PHACTR2: variants seen among roughly 807,000 people sequenced by gnomAD.
The protein encoded by PHACTR2 is phosphatase and actin regulator 2.
PHACTR2 carries 30 observed loss-of-function variants against 76.0 expected under a neutral mutation model. That is an observed-to-expected ratio of 0.39 (90% CI 0.30 to 0.54). PHACTR2 has a LOEUF of 0.54. Among genes scored for constraint, PHACTR2 ranks in the 20% least tolerant of loss-of-function variants. The pLI, the probability that PHACTR2 is intolerant of heterozygous loss-of-function variation, is 0.61. For missense variants in PHACTR2, 696 were observed against 781.1 expected, an observed-to-expected ratio of 0.89 and a Z score of 1.30; for synonymous variants, 292 against 292.5, an observed-to-expected ratio of 1.00 and a Z score of 0.02.
chr6:143,775,195 G>A lies in PHACTR2; in HGVS notation c.1589+980G>A, dbSNP rs1253706228. On this transcript the variant is annotated intron_variant, in intron 8 of 12. Coordinates refer to ENST00000440869, the MANE Select transcript of PHACTR2 (RefSeq NM_001100164.2). The surrounding 1 kb of genome is among the most constrained non-coding windows in gnomAD (Gnocchi z 4.4). ...TTACAGCTGAGTTGTGCAGAAAGGT[G>A]TCAGAGACAGCAGCTGTGGCATCTA... is the stretch of plus-strand genomic sequence containing the variant. 6.6e-6 allele frequency among the ~76,000 whole-genome samples: 1 copy of A among 152,144 alleles called. No individual in the cohort carries two copies. The highest frequency in any genetic ancestry group is 2.4e-5 in the African/African-American group (1 of 41,426).
In PHACTR2 at chr6:143,620,798, C is replaced by T. The variant is rs138215294; in HGVS notation, c.13+12476C>T. On this transcript the variant is annotated intron_variant, in intron 1 of 11. Coordinates refer to the PHACTR2 transcript ENST00000305766. ...GCCAGGCACAGTTTACCCTTTGGGA[C>T]GCATGCAATATTGTTTTTAGGGAAA... Among the ~76,000 whole-genome samples, 357 of 152,250 alleles carry T rather than the reference C, an allele frequency of 2.3e-3. 1 individual carries two copies. Among genetic ancestry groups the T allele is most frequent in the African/African-American group, 6.6e-3 (274 of 41,534 alleles).
At chr6:143,677,959 A>G, upstream of PHACTR2, 5 of 1,285,136 alleles carry the variant, frequency 3.9e-6, no homozygotes, top group South Asian at 3.1e-5. Context: ...TAGAGGAATG[A>G]CAGGCATCCG....
At chr6:143,810,261 C>G (rs1399896532) in intron 12 of PHACTR2, among the ~76,000 whole-genome samples, 5 of 152,050 alleles carry the variant, frequency 3.3e-5, no homozygotes, top group African/African-American at 4.8e-5. Context: ...AACAATGTTG[C>G]CTTGACTTTC....
chr6:143,707,967 T>G (rs1778091147), intron 1 of PHACTR2, among the ~76,000 whole-genome samples: 1 of 152,126 alleles, frequency 6.6e-6, no homozygotes, highest in South Asian at 2.1e-4. Flanking sequence ...TCATATGATT[T>G]CACTCACTAT....
rs1367500761 is a variant in PHACTR2, at chr6:143,689,692, A to T, written c.46+11483A>T. On this transcript the variant is annotated intron_variant, in intron 1 of 12. Transcript: ENST00000440869. This position sits in a 1 kb window ranked among gnomAD's most constrained non-coding sequence, Gnocchi z 4.4. ...CATTTTCCCATTTTCTCATCTTCTC[A>T]AGTCTTTTTTTTTTTTTTGAGATGG... Among the ~76,000 whole-genome samples the T allele has an allele frequency of 1.4e-5, 2 of 144,086 alleles. No individual in the cohort carries two copies. The highest frequency in any genetic ancestry group is 3.0e-5 in the Non-Finnish European group (2 of 66,474). 94.5% of individuals were successfully genotyped at this position (144,086 alleles called of 152,430 possible).
chr6:143,562,301 G>A lies in PHACTR2; in HGVS notation c.217+25094G>A, dbSNP rs547707943. Among the ~76,000 whole-genome samples, 63 of 152,256 alleles carry A rather than the reference G, an allele frequency of 4.1e-4. No homozygotes were observed. Among genetic ancestry groups the A allele is most frequent in the African/African-American group, 1.5e-3 (61 of 41,554 alleles). ...GGAAGCACGGTGCTGGCATCTGCTT[G>A]GCCTCCCCAGGCCTCAGGAAGTTTA... is the stretch of plus-strand genomic sequence containing the variant. On this transcript the variant is annotated intron_variant, in intron 1 of 11. Transcript: ENST00000367584. This position sits in a 1 kb window ranked among gnomAD's most constrained non-coding sequence, Gnocchi z 5.1.
chr6:143,576,510 CATTT>C (rs1241961309), intron 1 of PHACTR2, among the ~76,000 whole-genome samples: 1 of 152,198 alleles, frequency 6.6e-6, no homozygotes, highest in Non-Finnish European at 1.5e-5. Flanking sequence ...TTATTTCTAA[CATTT>C]AGCTTTTCAG....
rs1488608542 is a variant in PHACTR2 at position 143,537,086 on chromosome 6, G to A, written c.96G>A (p.Pro32=). Reference sequence around the variant, plus strand: ...TCCCCGAGCCCGAGGCGCCCGCCCCGCCGGCGGCGCCTGCCCTGCGCTGGC... The same window carrying A: ...TCCCCGAGCCCGAGGCGCCCGCCCCACCGGCGGCGCCTGCCCTGCGCTGGC... Residue 32 remains proline (P), a synonymous_variant, in exon 1 of 12, where the codon CCG becomes CCA. Transcript: ENST00000367584. The surrounding 1 kb of genome is among the most constrained non-coding windows in gnomAD (Gnocchi z 4.4). The A allele has an allele frequency of 2.9e-5, 6 of 209,362 alleles. No homozygotes were observed. The highest frequency in any genetic ancestry group is 1.7e-3 in the Middle Eastern group (1 of 600). 13.0% of individuals were successfully genotyped at this position (209,362 alleles called of 1,614,324 possible). A position where few individuals can be genotyped will look rare whatever the true frequency, so the allele number is the denominator to read the frequency against.
rs1489880420 is a variant in PHACTR2 at position 143,633,797 on chromosome 6, T to C, written c.13+25475T>C. ...TTGTACTTTATATTTAGATCCATAA[T>C]CGATTTTGATATTTTATAAAGGTCT... On this transcript the variant is annotated intron_variant, in intron 1 of 11. Transcript: ENST00000305766. This position sits in a 1 kb window ranked among gnomAD's most constrained non-coding sequence, Gnocchi z 4.1. 1.3e-5 allele frequency among the ~76,000 whole-genome samples: 2 copies of C among 152,214 alleles called. No individual in the cohort carries two copies. The highest frequency in any genetic ancestry group is 2.9e-5 in the Non-Finnish European group (2 of 68,042).
In PHACTR2 at chr6:143,549,258, A is replaced by C. The variant is rs188352248; in HGVS notation, c.217+12051A>C. Among the ~76,000 whole-genome samples, 39 of 152,066 alleles carry C rather than the reference A, an allele frequency of 2.6e-4. No homozygotes were observed. The East Asian group carries it at 5.4e-3, about 21-fold the overall frequency. On this transcript the variant is annotated intron_variant, in intron 1 of 11. Transcript: ENST00000367584. This position sits in a 1 kb window ranked among gnomAD's most constrained non-coding sequence, Gnocchi z 4.2. ...CAGATCAGGCCTAGGTCTCTTCCCA[A>C]ATGGAACAATATGGTAGTGAGGCCA...
Position 143,556,344 on chromosome 6 carries a change from C to A in PHACTR2, c.217+19137C>A, listed in dbSNP as rs558358714. 2.5e-4 allele frequency among the ~76,000 whole-genome samples: 38 copies of A among 152,224 alleles called. No individual in the cohort carries two copies. The highest frequency in any genetic ancestry group is 6.2e-4 in the South Asian group (3 of 4,826). On this transcript the variant is annotated intron_variant, in intron 1 of 11. Transcript: ENST00000367584. This position sits in a 1 kb window ranked among gnomAD's most constrained non-coding sequence, Gnocchi z 4.3. Reference sequence around the variant, plus strand: ...CTGCGTGCCAGGCACAAGGCGTGGGCCAGGAGAGTGAATATCTGGTGGAGG... The same window carrying A: ...CTGCGTGCCAGGCACAAGGCGTGGGACAGGAGAGTGAATATCTGGTGGAGG...
In PHACTR2 at chr6:143,664,915, C is replaced by T. The variant is rs1029295809; in HGVS notation, c.14-47101C>T. On this transcript the variant is annotated intron_variant, in intron 1 of 11. Transcript: ENST00000305766. The surrounding 1 kb of genome is among the most constrained non-coding windows in gnomAD (Gnocchi z 5.1). The stretch of plus-strand genomic sequence containing the variant: ...CCTGGTTCAAGTGATTCCCCTGACT[C>T]GGCCTCCCAAGTAGCTGGCATTACA... 2.0e-5 allele frequency among the ~76,000 whole-genome samples: 3 copies of T among 152,124 alleles called. No individual in the cohort carries two copies. Among genetic ancestry groups the T allele is most frequent in the Non-Finnish European group, 2.9e-5 (2 of 68,026 alleles).
chr6:143,733,320 A>G lies in PHACTR2; in HGVS notation c.215-15665A>G, dbSNP rs1347619964. ...CACTTCCTAGTAGATTATAAATTCC[A>G]TGAGAACAGGGATTTTTGTTTTCTT... On this transcript the variant is annotated intron_variant, in intron 2 of 12. Coordinates refer to ENST00000440869, the MANE Select transcript of PHACTR2 (RefSeq NM_001100164.2). The surrounding 1 kb of genome is among the most constrained non-coding windows in gnomAD (Gnocchi z 4.0). 1.3e-5 allele frequency among the ~76,000 whole-genome samples: 2 copies of G among 152,180 alleles called. No individual in the cohort carries two copies. The highest frequency in any genetic ancestry group is 2.4e-5 in the African/African-American group (1 of 41,452).
rs1294414333 is a variant in PHACTR2, at chr6:143,821,476, T to C, written c.1923-2198T>C. On this transcript the variant is annotated intron_variant, in intron 12 of 12. Transcript: ENST00000440869. This position sits in a 1 kb window ranked among gnomAD's most constrained non-coding sequence, Gnocchi z 5.2. Reference sequence around the variant, plus strand: ...CCGGAGATTGTATTCAATGAGTATGTAAAAATGGATAAGAAAGTTTCCTTC... The same window carrying C: ...CCGGAGATTGTATTCAATGAGTATGCAAAAATGGATAAGAAAGTTTCCTTC... 6.6e-6 allele frequency among the ~76,000 whole-genome samples: 1 copy of C among 152,186 alleles called. No individual in the cohort carries two copies. Among genetic ancestry groups the C allele is most frequent in the Non-Finnish European group, 1.5e-5 (1 of 68,044 alleles).
In PHACTR2 at chr6:143,610,887, T is replaced by C. The variant is rs1775964198; in HGVS notation, c.13+2565T>C. ...ATATGTCAGGGCAATTTTAGCAATA[T>C]CTAACATTTTCTTCTTTTTTTTTCA... On this transcript the variant is annotated intron_variant, in intron 1 of 11. Coordinates refer to the PHACTR2 transcript ENST00000305766. The surrounding 1 kb of genome is among the most constrained non-coding windows in gnomAD (Gnocchi z 4.9). Among the ~76,000 whole-genome samples, 1 of 152,202 alleles carries C rather than the reference T, an allele frequency of 6.6e-6. No individual in the cohort carries two copies. Among genetic ancestry groups the C allele is most frequent in the Non-Finnish European group, 1.5e-5 (1 of 68,036 alleles).
At chr6:143,740,049 C>A (rs149278521) in intron 2 of PHACTR2, among the ~76,000 whole-genome samples, 1 of 152,302 alleles carries the variant, frequency 6.6e-6, no homozygotes, top group African/African-American at 2.4e-5. Context: ...AGAATGGTTA[C>A]TCCATAGACG....
At position 143,611,045 on chromosome 6, in the gene PHACTR2, C is replaced by T. The variant is rs143662895; in HGVS notation, c.13+2723C>T. On this transcript the variant is annotated intron_variant, in intron 1 of 11. Transcript: ENST00000305766. The surrounding 1 kb of genome is among the most constrained non-coding windows in gnomAD (Gnocchi z 4.4). ...CTCCTTACCTCCATCAAGTGGTTCT[C>T]GTGAATGAACTGTGATAAGACATTC... is the stretch of plus-strand genomic sequence containing the variant. Among the ~76,000 whole-genome samples the T allele has an allele frequency of 1.8e-3, 272 of 152,076 alleles. 2 individuals carry two copies. The highest frequency in any genetic ancestry group is 6.5e-3 in the African/African-American group (268 of 41,464).
In PHACTR2 at chr6:143,652,390, CTGTTTGTTTGTTTGTT is replaced by C. The variant is rs112494577; in HGVS notation, c.13+44082_13+44097del. 6.6e-6 allele frequency among the ~76,000 whole-genome samples: 1 copy of C among 151,880 alleles called. No homozygotes were observed. The highest frequency in any genetic ancestry group is 1.5e-5 in the Non-Finnish European group (1 of 68,016). ...CAGCTAGACAAAGGTACCTGCGCTG[CTGTTTGTTTGTTTGTT>C]TGTTTGTTTGTTTTTCCCTGTATCT... On this transcript the variant is annotated intron_variant, in intron 1 of 11. Coordinates refer to the PHACTR2 transcript ENST00000305766. This position sits in a 1 kb window ranked among gnomAD's most constrained non-coding sequence, Gnocchi z 4.5.
At chr6:143,785,261 G>A (rs953207786) in intron 10 of PHACTR2, among the ~76,000 whole-genome samples, 2 of 152,160 alleles carry the variant, frequency 1.3e-5, no homozygotes, top group Non-Finnish European at 2.9e-5. Flanking sequence ...AAAACAAAGG[G>A]GTTGCAGGGC....
Sources: allele counts gnomAD v4.1 joint callset (sites outside exome capture counted in the v4.1 genomes callset), GRCh38; gene constraint gnomAD v4.1.1; non-coding constraint Gnocchi (gnomAD v3.1); transcripts MANE v1.5; gene names NCBI Gene and HGNC (gene_info 2026-07-23, HGNC 2026-07-21).